The following CACHD1 variants were observed in gnomAD, a reference collection of about 807,000 sequenced individuals.
CACHD1 encodes VWFA and cache domain-containing protein 1.
Under a neutral mutation model 138.7 loss-of-function variants are expected in CACHD1, and 71 were observed. The ratio of observed to expected loss-of-function variants is 0.51; its 90% CI spans 0.42 to 0.62. The LOEUF (loss-of-function observed/expected upper bound fraction) is 0.62. Among genes scored for constraint, CACHD1 ranks in the 20% least tolerant of loss-of-function variants. The pLI is 0.00. For synonymous variants in CACHD1, 578 were observed against 591.5 expected (o/e 0.98, Z 0.33); for missense variants, 1,389 against 1,625.3 (o/e 0.85, Z 2.50).
At chr1:64,537,233 C>T (rs1646639878) in intron 1 of CACHD1, among the ~76,000 whole-genome samples, 1 of 150,282 alleles carries the variant, frequency 6.7e-6, no homozygotes, top group South Asian at 2.1e-4. Context: ...TTGCGTTTTC[C>T]CCTCACCCAG....
At chr1:64,507,659 G>A (rs1052273233) in intron 1 of CACHD1, among the ~76,000 whole-genome samples, 1 of 152,202 alleles carries the variant, frequency 6.6e-6, no homozygotes, top group Non-Finnish European at 1.5e-5. Flanking sequence ...TTAGGAACAC[G>A]AGCCAGGAAG....
intron 1 of CACHD1, among the ~76,000 whole-genome samples, chr1:64,520,653 G>A (rs996640681): frequency 3.9e-5 from 6 of 152,176 alleles, no homozygotes; most frequent in Non-Finnish European, 5.9e-5. Context: ...CTAATGTCAC[G>A]CTGTAGGAGT....
intron 4 of CACHD1, among the ~76,000 whole-genome samples, chr1:64,628,745 A>G (rs552476114): frequency 8.7e-4 from 132 of 152,352 alleles, no homozygotes; most frequent in African/African-American, 3.0e-3. Flanking sequence ...CAAAGTAGTG[A>G]TAACAATACC....
At chr1:64,569,467 C>T (rs1646909178) in intron 2 of CACHD1, among the ~76,000 whole-genome samples, 1 of 152,106 alleles carries the variant, frequency 6.6e-6, no homozygotes, top group Admixed American at 6.5e-5. Flanking sequence ...CCTTGATTCT[C>T]ATAGTTTGTG....
In CACHD1 at chr1:64,675,994, TAATA is replaced by T. The variant is rs1256610360; in HGVS notation, c.2975+13_2975+16del. 5.2e-5 allele frequency: 1 copy of T among 19,180 alleles called. No homozygotes were observed. Among genetic ancestry groups the T allele is most frequent in the Non-Finnish European group, 7.2e-5 (1 of 13,842 alleles). 1.2% of individuals were successfully genotyped at this position (19,180 alleles called of 1,614,324 possible). A position where few individuals can be genotyped will look rare whatever the true frequency, so the allele number is the denominator to read the frequency against. On this transcript the variant is annotated intron_variant, in intron 21 of 26. Transcript: ENST00000651257. ...CAATGCAGAGAACCGGTAAAATAATTAATAATAATAATAATAATAATAATAATAA... is the reference window on the plus strand; with the variant it reads ...CAATGCAGAGAACCGGTAAAATAATTATAATAATAATAATAATAATAATAA...
At chr1:64,682,554 A>T (rs145708299) in intron 26 of CACHD1, among the ~76,000 whole-genome samples, 1 of 152,290 alleles carries the variant, frequency 6.6e-6, no homozygotes, top group African/African-American at 2.4e-5. Context: ...AAGAAGCAAC[A>T]TTTGCACTGA....
chr1:64,477,630 T>TTTA (rs1491219704), intron 1 of CACHD1, among the ~76,000 whole-genome samples: 15 of 124,116 alleles, frequency 1.2e-4, no homozygotes, highest in African/African-American at 5.6e-4. Context: ...TATTATTTTA[T>TTTA]TTTATTTTTT....
intron 2 of CACHD1, among the ~76,000 whole-genome samples, chr1:64,558,128 C>T (rs771737153): frequency 2.0e-5 from 3 of 152,178 alleles, no homozygotes; most frequent in Non-Finnish European, 4.4e-5. Context: ...CTACTTCAGT[C>T]CTACCCATCC....
chr1:64,481,316 T>C (rs2100274295), intron 1 of CACHD1, among the ~76,000 whole-genome samples: 1 of 152,326 alleles, frequency 6.6e-6, no homozygotes, highest in African/African-American at 2.4e-5. Flanking sequence ...GATTTTCATT[T>C]TATTTTATTT....
In CACHD1 at chr1:64,663,705, C is replaced by G. The variant is rs146901847; in HGVS notation, c.1962C>G (p.Thr654=). ...FKQLATLESP[T]IMLSAGSFSS... is the part of the protein sequence containing the mutation. ...TTGCTTCTCTTTCAGAAAGTCCCAC[C>G]ATCATGCTGTCTGCTGGCAGCTTTT... Residue 654 remains threonine (T), a synonymous_variant, in exon 14 of 27, where the codon ACC becomes ACG. Coordinates refer to ENST00000651257, the MANE Select transcript of CACHD1 (RefSeq NM_020925.4). The G allele has an allele frequency of 5.6e-6, 9 of 1,614,164 alleles. No individual in the cohort carries two copies. The African/African-American group carries it at 1.1e-4, about 19-fold the overall frequency.
intron 8 of CACHD1, among the ~76,000 whole-genome samples, chr1:64,645,455 T>A (rs774386443): frequency 6.6e-6 from 1 of 152,080 alleles, no homozygotes; most frequent in Non-Finnish European, 1.5e-5. Flanking sequence ...CATAAATATA[T>A]ACACCTGCTA....
At chr1:64,504,831 G>A (rs1646359166) in intron 1 of CACHD1, among the ~76,000 whole-genome samples, 1 of 152,086 alleles carries the variant, frequency 6.6e-6, no homozygotes, top group African/African-American at 2.4e-5. Flanking sequence ...GCAGTGTAGT[G>A]CTATCTATGC....
At chr1:64,676,874 C>G (rs1469166621) in intron 21 of CACHD1, 21 bp from the exon 22 acceptor site, 1 of 1,600,978 alleles carries the variant, frequency 6.2e-7, no homozygotes, top group African/African-American at 1.3e-5. Flanking sequence ...GTCTTAACCT[C>G]CAGACTTACC....
chr1:64,531,275 C>G (rs1189443680), intron 1 of CACHD1, among the ~76,000 whole-genome samples: 1 of 152,160 alleles, frequency 6.6e-6, no homozygotes, highest in African/African-American at 2.4e-5. Context: ...CAGTCCTCCT[C>G]TCCAGTGCTG....
At chr1:64,637,497 A>C (rs1356067448) in intron 7 of CACHD1, among the ~76,000 whole-genome samples, 1 of 152,220 alleles carries the variant, frequency 6.6e-6, no homozygotes, top group Admixed American at 6.5e-5. Context: ...AAAACTGTGA[A>C]TAGAGACCTC....
chr1:64,510,937 T>C (rs1381596106), intron 1 of CACHD1, among the ~76,000 whole-genome samples: 1 of 152,252 alleles, frequency 6.6e-6, no homozygotes, highest in Non-Finnish European at 1.5e-5. Context: ...TTAATATGGC[T>C]GTGGGTACAT....
intron 2 of CACHD1, among the ~76,000 whole-genome samples, chr1:64,562,590 T>C (rs1465075826): frequency 1.3e-5 from 2 of 150,614 alleles, no homozygotes; most frequent in Non-Finnish European, 3.0e-5. Context: ...TTTTTTTTTT[T>C]TTTTTGTATT....
intron 2 of CACHD1, among the ~76,000 whole-genome samples, chr1:64,572,174 G>A (rs950715015): frequency 3.3e-5 from 5 of 152,094 alleles, no homozygotes; most frequent in East Asian, 1.9e-4. Context: ...AAGTTGTGAC[G>A]TAAAATGTTG....
rs1422170951 is a variant in CACHD1 at position 64,692,312 on chromosome 1, C to T, written c.*751C>T. On this transcript the variant is annotated 3_prime_UTR_variant, in exon 27 of 27. Coordinates refer to ENST00000651257, the MANE Select transcript of CACHD1 (RefSeq NM_020925.4). ...GAAATCTTTCTCTCTGACTTGTTTACATCATTTCACGGAAACACATCTTTG... is the reference window on the plus strand; with the variant it reads ...GAAATCTTTCTCTCTGACTTGTTTATATCATTTCACGGAAACACATCTTTG... 6.6e-6 allele frequency: 1 copy of T among 152,194 alleles called. No individual in the cohort carries two copies. Among genetic ancestry groups the T allele is most frequent in the Non-Finnish European group, 1.5e-5 (1 of 68,052 alleles). The allele number at this position is 152,194 out of a possible 1,614,324, so 9.4% of individuals were successfully genotyped here. A position where few individuals can be genotyped will look rare whatever the true frequency, so the allele number is the denominator to read the frequency against.
Sources: allele counts gnomAD v4.1 joint callset (sites outside exome capture counted in the v4.1 genomes callset), GRCh38; gene constraint gnomAD v4.1.1; transcripts MANE v1.5; gene names NCBI Gene and HGNC (gene_info 2026-07-23, HGNC 2026-07-21).